CCSER1: variants seen among roughly 807,000 people sequenced by gnomAD.
CCSER1 encodes the protein coiled-coil serine rich protein 1.
In CCSER1, 41 loss-of-function variants were observed where a neutral mutation model predicts 82.0. The observed-to-expected ratio is 0.50, with a 90% CI of 0.39 to 0.65. The LOEUF is 0.65. CCSER1 is among the 30% of genes least tolerant of loss of function. The pLI is 0.00. For synonymous variants in CCSER1, 414 were observed against 383.9 expected (o/e 1.08, Z -0.92); for missense variants, 1,119 against 1,064.2 (o/e 1.05, Z -0.72).
At chr4:90,852,979 G>A (rs933859804) in intron 8 of CCSER1, among the ~76,000 whole-genome samples, 34 of 152,106 alleles carry the variant, frequency 2.2e-4, no homozygotes, top group African/African-American at 8.2e-4. Flanking sequence ...TGCAAGATTA[G>A]ACAACTGTAT....
chr4:90,466,061 G>C (rs1409324684), intron 4 of CCSER1, among the ~76,000 whole-genome samples: 2 of 152,156 alleles, frequency 1.3e-5, no homozygotes, highest in Non-Finnish European at 2.9e-5. Flanking sequence ...GATGACACGT[G>C]ACTCCAGCCC....
chr4:91,239,326 T>A (rs1452198933), intron 10 of CCSER1, among the ~76,000 whole-genome samples: 1 of 40,060 alleles, frequency 2.5e-5, no homozygotes, highest in Non-Finnish European at 4.9e-5. Flanking sequence ...ATACTGCCTC[T>A]TCTGACAGAC....
At chr4:90,370,482 A>G (rs948046407) in intron 3 of CCSER1, 1 of 152,044 alleles carries the variant, frequency 6.6e-6, no homozygotes, top group African/African-American at 2.4e-5. Context: ...TTTAAAATAA[A>G]TGGATTCACA....
Position 90,582,910 on chromosome 4 carries a change from C to T in CCSER1, c.1725-45115C>T, listed in dbSNP as rs572784115. On this transcript the variant is annotated intron_variant, in intron 5 of 10. Coordinates refer to ENST00000509176, the MANE Select transcript of CCSER1 (RefSeq NM_001145065.2). ...ATTGACTAATATTATAAATACACTA[C>T]TTTTAATTTGCAAAATTACTTGTAT... is the stretch of plus-strand genomic sequence containing the variant. Among the ~76,000 whole-genome samples, 5 of 152,268 alleles carry T rather than the reference C, an allele frequency of 3.3e-5. No individual in the cohort carries two copies. In the South Asian group the frequency reaches 1.0e-3, roughly 32 times the overall value.
At chr4:91,479,331 C>T (rs184771347) in intron 10 of CCSER1, among the ~76,000 whole-genome samples, 2 of 151,554 alleles carry the variant, frequency 1.3e-5, no homozygotes, top group East Asian at 3.9e-4. Flanking sequence ...TTAAAAATTC[C>T]TAAAATTAAA....
chr4:90,394,913 C>A (rs980122889), intron 3 of CCSER1, among the ~76,000 whole-genome samples: 1 of 152,180 alleles, frequency 6.6e-6, no homozygotes, highest in African/African-American at 2.4e-5. Flanking sequence ...GCCATCACCT[C>A]ACATATTTAT....
chr4:90,482,049 G>A (rs1029387870), intron 5 of CCSER1, among the ~76,000 whole-genome samples: 13 of 152,082 alleles, frequency 8.5e-5, no homozygotes, highest in Admixed American at 6.6e-5. Context: ...CAATTTCAAA[G>A]CCTGTTATTA....
chr4:91,020,493 T>C (rs1231134942), intron 9 of CCSER1, among the ~76,000 whole-genome samples: 1 of 152,058 alleles, frequency 6.6e-6, no homozygotes, highest in Non-Finnish European at 1.5e-5. Context: ...AAACCCCGTC[T>C]CTACTAAAAA....
chr4:90,391,908 A>T (rs1751232033), intron 3 of CCSER1, among the ~76,000 whole-genome samples: 4 of 152,146 alleles, frequency 2.6e-5, no homozygotes, highest in South Asian at 4.1e-4. Flanking sequence ...GAACTACAGT[A>T]TAATTGAGGT....
At position 90,459,306 on chromosome 4, in the gene CCSER1, G is replaced by A. The variant is rs116203524; in HGVS notation, c.1604-8928G>A. On this transcript the variant is annotated intron_variant, in intron 4 of 10. Transcript: ENST00000509176. ...TTTGGAATGGGAGAGGATAGGAGTAGTAGCAATGTAGATTCAGCCATTAGG... is the reference window on the plus strand; with the variant it reads ...TTTGGAATGGGAGAGGATAGGAGTAATAGCAATGTAGATTCAGCCATTAGG... Among the ~76,000 whole-genome samples, 757 of 152,322 alleles carry A rather than the reference G, an allele frequency of 5.0e-3. 7 individuals are homozygous for A. The highest frequency in any genetic ancestry group is 0.017 in the African/African-American group (724 of 41,580).
intron 10 of CCSER1, among the ~76,000 whole-genome samples, chr4:91,532,805 G>A (rs570136412): frequency 6.6e-6 from 1 of 151,802 alleles, no homozygotes; most frequent in East Asian, 1.9e-4. Flanking sequence ...GGGAGGAGGA[G>A]GTTGCAGTGA....
chr4:90,773,504 A>G (rs1752503295), intron 7 of CCSER1, among the ~76,000 whole-genome samples: 1 of 152,154 alleles, frequency 6.6e-6, no homozygotes, highest in Non-Finnish European at 1.5e-5. Flanking sequence ...GATGATGGTT[A>G]GGTTTGTGAT....
chr4:91,025,830 G>T (rs527859116), intron 9 of CCSER1, among the ~76,000 whole-genome samples: 7 of 152,180 alleles, frequency 4.6e-5, no homozygotes, highest in African/African-American at 1.4e-4. Context: ...CTGTATAGGG[G>T]TGTGTGTATG....
intron 7 of CCSER1, among the ~76,000 whole-genome samples, chr4:90,788,497 G>A (rs1580470191): frequency 6.6e-6 from 1 of 152,256 alleles, no homozygotes; most frequent in East Asian, 1.9e-4. Context: ...CTGGTATCTG[G>A]TAGTTTCTTG....
rs531345387 is a variant in CCSER1, at chr4:90,200,691, C to A, written c.-42+72860C>A. Among the ~76,000 whole-genome samples, 54 of 151,778 alleles carry A rather than the reference C, an allele frequency of 3.6e-4. No individual in the cohort carries two copies. In the South Asian group the frequency reaches 0.011, roughly 30 times the overall value. ...CAAGGGTTTTTGTTTAACATATTAC[C>A]AAGAGACCTTATAAAGATTACCTAC... On this transcript the variant is annotated intron_variant, in intron 1 of 10. Transcript: ENST00000509176.
At chr4:90,975,488 G>C (rs1183826422) in intron 9 of CCSER1, among the ~76,000 whole-genome samples, 2 of 150,712 alleles carry the variant, frequency 1.3e-5, no homozygotes, top group Non-Finnish European at 3.0e-5. Context: ...AACTGAAAGA[G>C]TGAATTTTAT....
chr4:90,943,065 A>G, intron 9 of CCSER1, among the ~76,000 whole-genome samples: 1 of 151,702 alleles, frequency 6.6e-6, no homozygotes, highest in Non-Finnish European at 1.5e-5. Flanking sequence ...TTTTGAATAT[A>G]ATGGTCGGGG....
At chr4:90,623,861 G>C (rs1478484151) in intron 5 of CCSER1, among the ~76,000 whole-genome samples, 1 of 152,138 alleles carries the variant, frequency 6.6e-6, no homozygotes, top group African/African-American at 2.4e-5. Context: ...GATAGTTTCT[G>C]TTAGGTTCTG....
intron 10 of CCSER1, among the ~76,000 whole-genome samples, chr4:91,137,184 C>T (rs1173420204): frequency 1.7e-5 from 2 of 117,976 alleles, no homozygotes; most frequent in African/African-American, 6.4e-5. Context: ...ACCACAGTCC[C>T]CAGAGTGTGA....
Sources: gnomAD v4.1 joint callset for allele counts (sites outside exome capture counted in the v4.1 genomes callset) on GRCh38, gnomAD v4.1.1 for gene constraint, MANE v1.5 for transcripts, NCBI Gene and HGNC (gene_info 2026-07-23, HGNC 2026-07-21) for gene names.